The following RANBP17 variants were observed in gnomAD, a reference collection of about 807,000 sequenced individuals.
RANBP17 encodes RAN binding protein 17, also known as ran-binding protein 17.
In RANBP17, 158 loss-of-function variants were observed where a neutral mutation model predicts 141.2. That is an observed-to-expected ratio of 1.12 (90% CI 0.98 to 1.28). The LOEUF (loss-of-function observed/expected upper bound fraction) is 1.28, where lower values mean the gene tolerates loss of function less well. RANBP17 is among the 50% of genes most tolerant of loss of function. The pLI, the probability that RANBP17 is intolerant of heterozygous loss-of-function variation, is 0.00. For synonymous variants in RANBP17, 430 were observed against 450.0 expected (o/e 0.96, Z 0.56); for missense variants, 1,438 against 1,290.7 (o/e 1.11, Z -1.75).
chr5:171,178,191 C>A (rs1273029571), intron 16 of RANBP17, among the ~76,000 whole-genome samples: 1 of 134,902 alleles, frequency 7.4e-6, no homozygotes, highest in Non-Finnish European at 1.6e-5. Context: ...CCCCGACAGG[C>A]CCCTGACGTG....
At chr5:170,960,887 A>G (rs945383826) in intron 13 of RANBP17, among the ~76,000 whole-genome samples, 15 of 152,190 alleles carry the variant, frequency 9.9e-5, no homozygotes, top group Admixed American at 9.8e-4. Context: ...GCTGGGATAC[A>G]GGCTCCTGCC....
chr5:171,118,676 TATAA>T (rs1265100333), intron 14 of RANBP17, among the ~76,000 whole-genome samples: 1 of 152,226 alleles, frequency 6.6e-6, no homozygotes, highest in African/African-American at 2.4e-5. Context: ...TTGTAAATAT[TATAA>T]ATAGTAGCTA....
chr5:170,904,243 G>C (rs1770895235), intron 5 of RANBP17: 1 of 263,738 alleles, frequency 3.8e-6, no homozygotes, highest in Non-Finnish European at 7.8e-6. Context: ...ACACATATGT[G>C]AAGCCCACAT....
At chr5:171,290,953 G>A (rs1768459095) in intron 25 of RANBP17, among the ~76,000 whole-genome samples, 1 of 152,208 alleles carries the variant, frequency 6.6e-6, no homozygotes, top group Non-Finnish European at 1.5e-5. Flanking sequence ...TGAAGTAGCT[G>A]TTATTGTCCT....
rs1235673702 is a variant in RANBP17 at position 171,199,738 on chromosome 5, A to T, written c.2107A>T (p.Ile703Leu). The change falls in exon 19 of 28, where the codon ATA becomes TTA. Residue 703 changes from isoleucine to leucine, a missense_variant. Ile to Leu is a conservative substitution (Grantham distance 5, BLOSUM62 2). Transcript: ENST00000523189. ...AGTTGCTTTTGAAACAGTATTACAA[A>T]TATTCAACAACAACTTTAAACAAGA... is the stretch of plus-strand genomic sequence containing the variant. ...LTVAFETVLQIFNNNFKQEDV... is the reference protein window; with the variant it reads ...LTVAFETVLQLFNNNFKQEDV... 1.1e-5 allele frequency: 18 copies of T among 1,608,952 alleles called. No homozygotes were observed. The highest frequency in any genetic ancestry group is 1.6e-4 in the Middle Eastern group (1 of 6,074).
At chr5:171,286,123 T>C (rs1242239437) in intron 25 of RANBP17, among the ~76,000 whole-genome samples, 1 of 152,220 alleles carries the variant, frequency 6.6e-6, no homozygotes, top group Non-Finnish European at 1.5e-5. Flanking sequence ...TTAATCACTT[T>C]GAGCAAAAGC....
chr5:171,293,952 C>T lies in RANBP17; in HGVS notation c.3013C>T (p.Leu1005Phe), dbSNP rs2128045455. The part of the protein sequence containing the change: ...CRNQWSVSRP[L>F]LGLILLNEKY... ...GAACCAGTGGTCAGTATCCAGGCCTCTCCTGGGGCTCATCCTGCTCAATGA... is the reference window on the plus strand; with the variant it reads ...GAACCAGTGGTCAGTATCCAGGCCTTTCCTGGGGCTCATCCTGCTCAATGA... Residue 1005 changes from leucine to phenylalanine, a missense_variant, in exon 26 of 28, where the codon CTC becomes TTC. Leu to Phe is a conservative substitution (Grantham distance 22, BLOSUM62 0). Coordinates refer to ENST00000523189, the MANE Select transcript of RANBP17 (RefSeq NM_022897.5). 6.2e-7 allele frequency: 1 copy of T among 1,613,662 alleles called. No homozygotes were observed. The highest frequency in any genetic ancestry group is 1.1e-5 in the South Asian group (1 of 91,064).
At chr5:171,285,224 T>G (rs1387470713) in intron 25 of RANBP17, among the ~76,000 whole-genome samples, 1 of 152,244 alleles carries the variant, frequency 6.6e-6, no homozygotes, top group Non-Finnish European at 1.5e-5. Context: ...GAAGATAGGC[T>G]GGTCTTTTTA....
At chr5:171,289,593 G>A (rs1019873728) in intron 25 of RANBP17, among the ~76,000 whole-genome samples, 1 of 152,152 alleles carries the variant, frequency 6.6e-6, no homozygotes, top group South Asian at 2.1e-4. Context: ...CAAACCATTA[G>A]CCAAGTATGG....
chr5:171,008,670 A>C (rs1779824508), intron 14 of RANBP17, among the ~76,000 whole-genome samples: 1 of 152,226 alleles, frequency 6.6e-6, no homozygotes, highest in Admixed American at 6.5e-5. Flanking sequence ...GGTGGGGAAG[A>C]TTACAAAGTA....
At chr5:171,028,201 T>C (rs1781342019) in intron 14 of RANBP17, among the ~76,000 whole-genome samples, 1 of 152,056 alleles carries the variant, frequency 6.6e-6, no homozygotes, top group Non-Finnish European at 1.5e-5. Context: ...CATTGTAGAA[T>C]CCTAATACTA....
intron 14 of RANBP17, among the ~76,000 whole-genome samples, chr5:170,995,084 G>C (rs1778726398): frequency 6.6e-6 from 1 of 152,006 alleles, no homozygotes; most frequent in African/African-American, 2.4e-5. Context: ...AATATTCCTA[G>C]TTAAATCAGC....
chr5:170,875,059 A>G (rs1199441807), intron 1 of RANBP17, among the ~76,000 whole-genome samples: 1 of 152,070 alleles, frequency 6.6e-6, no homozygotes, highest in Non-Finnish European at 1.5e-5. Flanking sequence ...CTTGTCTGAA[A>G]TGGATTTTAT....
chr5:171,105,629 A>G (rs1013230441), intron 14 of RANBP17, among the ~76,000 whole-genome samples: 1 of 151,998 alleles, frequency 6.6e-6, no homozygotes, highest in African/African-American at 2.4e-5. Flanking sequence ...GAAATAAGAG[A>G]ATCACTTGAG....
At chr5:170,975,604 G>T (rs572005432) in intron 14 of RANBP17, among the ~76,000 whole-genome samples, 10 of 152,090 alleles carry the variant, frequency 6.6e-5, no homozygotes, top group Non-Finnish European at 1.5e-4. Flanking sequence ...AAAACAGTAG[G>T]ACACAAACAA....
rs1012888594 is a variant in RANBP17, at chr5:171,213,857, A to C, written c.2339+119A>C. 12 of 761,538 alleles carry C rather than the reference A, an allele frequency of 1.6e-5. No homozygotes were observed. In the African/African-American group the frequency reaches 2.1e-4, roughly 13 times the overall value. The allele number at this position is 761,538 out of a possible 1,614,324, so 47.2% of individuals were successfully genotyped here. A position where few individuals can be genotyped will look rare whatever the true frequency, so the allele number is the denominator to read the frequency against. ...GTAGTTAGCAAGAGCCCAGGAACCA[A>C]GACTTAAGATGATTAGTGAAAACAG... is the stretch of plus-strand genomic sequence containing the variant. On this transcript the variant is annotated intron_variant, in intron 21 of 27. Transcript: ENST00000523189.
chr5:171,296,710 T>C (rs1027138798), intron 27 of RANBP17, among the ~76,000 whole-genome samples: 1 of 152,186 alleles, frequency 6.6e-6, no homozygotes, highest in Non-Finnish European at 1.5e-5. Context: ...GTCAGGAGTT[T>C]GAGACCAGCC....
chr5:171,282,454 ATGTTGTTGTTGT>A (rs11269694), intron 25 of RANBP17, among the ~76,000 whole-genome samples: 113,010 of 149,378 alleles, frequency 0.76, 42,754 homozygotes, highest in Middle Eastern at 0.86. Flanking sequence ...AGAAAGCTGC[ATGTTGTTGTTGT>A]TGTTGTTGTT....
intron 25 of RANBP17, among the ~76,000 whole-genome samples, chr5:171,287,335 A>G (rs1422253797): frequency 6.6e-6 from 1 of 152,256 alleles, no homozygotes; most frequent in African/African-American, 2.4e-5. Flanking sequence ...TACTAAAAAT[A>G]GAAAAAAAGC....
Sources: gnomAD v4.1 joint callset for allele counts (sites outside exome capture counted in the v4.1 genomes callset) on GRCh38, gnomAD v4.1.1 for gene constraint, MANE v1.5 for transcripts, NCBI Gene and HGNC (gene_info 2026-07-23, HGNC 2026-07-21) for gene names.